DENND1A: variants seen among roughly 807,000 people sequenced by gnomAD.
DENND1A encodes DENN domain containing 1A, also known as DENN domain-containing protein 1A.
A neutral mutation model predicts 113.7 loss-of-function variants in DENND1A; 51 were observed. The observed-to-expected ratio is 0.45, with a 90% CI of 0.36 to 0.57. The LOEUF (loss-of-function observed/expected upper bound fraction) is 0.57, where lower values mean the gene tolerates loss of function less well. Among genes scored for constraint, DENND1A ranks in the 20% least tolerant of loss-of-function variants. The pLI is 0.00. For synonymous variants in DENND1A, 565 were observed against 570.8 expected, an observed-to-expected ratio of 0.99 and a Z score of 0.14; for missense variants, 1,258 against 1,395.9, an observed-to-expected ratio of 0.90 and a Z score of 1.57.
At chr9:123,705,343 C>T (rs1250410577) in intron 5 of DENND1A, among the ~76,000 whole-genome samples, 1 of 151,818 alleles carries the variant, frequency 6.6e-6, no homozygotes, top group African/African-American at 2.4e-5. Flanking sequence ...TTAAGCAGCA[C>T]AGCTGGACAA....
intron 13 of DENND1A, chr9:123,485,667 C>T (rs1262074710): frequency 4.2e-5 from 6 of 144,184 alleles, no homozygotes; most frequent in Non-Finnish European, 9.2e-5. Context: ...CACACACACA[C>T]ACACACACAC....
intron 13 of DENND1A, among the ~76,000 whole-genome samples, chr9:123,511,540 G>A (rs2053462491): frequency 6.6e-6 from 1 of 152,274 alleles, no homozygotes; most frequent in Non-Finnish European, 1.5e-5. Flanking sequence ...GTTGGCTGAG[G>A]ATGGTGAAGT....
At chr9:123,508,324 T>G (rs1159140841) in intron 13 of DENND1A, among the ~76,000 whole-genome samples, 1 of 152,228 alleles carries the variant, frequency 6.6e-6, no homozygotes, top group Non-Finnish European at 1.5e-5. Flanking sequence ...TCATACATGC[T>G]TACAGAAAAT....
At chr9:123,821,370 G>GA (rs1244089425) in intron 2 of DENND1A, among the ~76,000 whole-genome samples, 15 of 151,804 alleles carry the variant, frequency 9.9e-5, no homozygotes, top group East Asian at 1.9e-4. Flanking sequence ...TTTTCAAAAT[G>GA]AAAAAAAATT....
intron 22 of DENND1A, among the ~76,000 whole-genome samples, chr9:123,387,484 T>C (rs1196139430): frequency 6.6e-6 from 1 of 152,172 alleles, no homozygotes; most frequent in Non-Finnish European, 1.5e-5. Context: ...GGACCAATGC[T>C]CGCGTATCAC....
chr9:123,863,917 T>C (rs1485616963), intron 2 of DENND1A, among the ~76,000 whole-genome samples: 10 of 151,686 alleles, frequency 6.6e-5, no homozygotes, highest in Non-Finnish European at 1.3e-4. Context: ...ATTAAATATA[T>C]GAGATTTTTT....
At chr9:123,903,200 C>T (rs1362518856) in intron 1 of DENND1A, among the ~76,000 whole-genome samples, 1 of 150,092 alleles carries the variant, frequency 6.7e-6, no homozygotes, top group Non-Finnish European at 1.5e-5. Context: ...GGCATAGTGG[C>T]GGGCGCCTGT....
intron 13 of DENND1A, among the ~76,000 whole-genome samples, chr9:123,520,278 G>A (rs146663560): frequency 5.3e-5 from 8 of 151,786 alleles, no homozygotes; most frequent in African/African-American, 1.7e-4. Flanking sequence ...CCAACATGGT[G>A]AAACCCTGTC....
chr9:123,514,096 G>GTGTGTGTGTGTA (rs1273715438), intron 13 of DENND1A, among the ~76,000 whole-genome samples: 1 of 48,440 alleles, frequency 2.1e-5, no homozygotes, highest in African/African-American at 5.6e-5. Context: ...GTGTGTGTGT[G>GTGTGTGTGTGTA]TATGTGTGTG....
At chr9:123,598,456 C>CAAAAA (rs780473231) in intron 11 of DENND1A, among the ~76,000 whole-genome samples, 13 of 59,360 alleles carry the variant, frequency 2.2e-4, no homozygotes, top group Admixed American at 4.2e-4. Context: ...TCACAAATCT[C>CAAAAA]AAAAAAAAAA....
chr9:123,642,248 C>T (rs1455536655), intron 9 of DENND1A, among the ~76,000 whole-genome samples: 3 of 152,204 alleles, frequency 2.0e-5, no homozygotes, highest in East Asian at 1.9e-4. Flanking sequence ...CATTTTAAAG[C>T]CAGAGAATGC....
intron 9 of DENND1A, among the ~76,000 whole-genome samples, chr9:123,641,461 A>G (rs1481517312): frequency 6.6e-6 from 1 of 150,438 alleles, no homozygotes; most frequent in African/African-American, 2.4e-5. Context: ...AAAAAGAAAC[A>G]TCACCTGTTT....
intron 9 of DENND1A, among the ~76,000 whole-genome samples, chr9:123,640,039 G>C (rs968127267): frequency 1.3e-5 from 2 of 152,158 alleles, no homozygotes; most frequent in African/African-American, 2.4e-5. Flanking sequence ...TTGAGCTCTG[G>C]ATTCTGTGCT....
intron 13 of DENND1A, among the ~76,000 whole-genome samples, chr9:123,547,852 A>G (rs929463568): frequency 9.2e-5 from 14 of 152,184 alleles, no homozygotes. Flanking sequence ...TCGCAGTCTC[A>G]TCTTTCCCTT....
rs541966981 is a variant in DENND1A, at chr9:123,532,729, A to G, written c.993+24841T>C. Among the ~76,000 whole-genome samples, 7 of 152,324 alleles carry G rather than the reference A, an allele frequency of 4.6e-5. No homozygotes were observed. In the South Asian group the frequency reaches 1.5e-3, roughly 32 times the overall value. On this transcript the variant is annotated intron_variant, in intron 13 of 23. Transcript: ENST00000394215. ...AGTCCCTTCTTTTAAGAGAATTAAA[A>G]ACTAAAAGATGCACAGAAAACCCAT...
chr9:123,859,616 C>A (rs1006904182), intron 2 of DENND1A, among the ~76,000 whole-genome samples: 2 of 151,866 alleles, frequency 1.3e-5, no homozygotes, highest in Non-Finnish European at 2.9e-5. Flanking sequence ...AAAACATTGC[C>A]CATTCTGCAT....
intron 19 of DENND1A, among the ~76,000 whole-genome samples, chr9:123,433,924 C>T (rs915923197): frequency 2.0e-5 from 3 of 152,240 alleles, no homozygotes; most frequent in African/African-American, 7.2e-5. Flanking sequence ...TCTCCATTCC[C>T]TTCCGGGGAC....
intron 13 of DENND1A, chr9:123,485,656 G>GCGCGCACACACACACACACA (rs765633751): frequency 5.0e-5 from 7 of 141,242 alleles, no homozygotes; most frequent in Non-Finnish European, 1.1e-4. Flanking sequence ...GCGCGCGCGC[G>GCGCGCACACACACACACACA]CACACACACA....
chr9:123,550,512 G>A (rs10818831), intron 13 of DENND1A, among the ~76,000 whole-genome samples: 37,420 of 152,106 alleles, frequency 0.25, 5,259 homozygotes, highest in African/African-American at 0.36. Flanking sequence ...AAGGACCTGC[G>A]GTGGGCCAGA....
Sources: gnomAD v4.1 joint callset for allele counts (sites outside exome capture counted in the v4.1 genomes callset) on GRCh38, gnomAD v4.1.1 for gene constraint, MANE v1.5 for transcripts, NCBI Gene and HGNC (gene_info 2026-07-23, HGNC 2026-07-21) for gene names.